The following CCDC171 variants were observed in gnomAD, a reference collection of about 807,000 sequenced individuals.
CCDC171 encodes the protein coiled-coil domain containing 171.
CCDC171 carries 177 observed loss-of-function variants against 168.2 expected under a neutral mutation model. The observed-to-expected ratio is 1.05, with a 90% CI of 0.93 to 1.19. The LOEUF is 1.19. Among genes scored for constraint, CCDC171 ranks in the 50% most tolerant of loss-of-function variants. The probability of loss-of-function intolerance (pLI) is 0.00; values close to 1 mark genes in which losing one functional copy is unlikely to be tolerated. For missense variants in CCDC171, 1,991 were observed against 1,539.0 expected, an observed-to-expected ratio of 1.29 and a Z score of -4.91; for synonymous variants, 687 against 540.8, an observed-to-expected ratio of 1.27 and a Z score of -3.75.
At chr9:15,643,358 C>G (rs543580499) in intron 7 of CCDC171, among the ~76,000 whole-genome samples, 33 of 152,262 alleles carry the variant, frequency 2.2e-4, no homozygotes, top group Admixed American at 7.2e-4. Context: ...TGGGATAATG[C>G]TCATTCTGGT....
rs552106448 is a variant in CCDC171, at chr9:15,907,615, A to G, written c.3601-12655A>G. 1.8e-3 allele frequency among the ~76,000 whole-genome samples: 274 copies of G among 152,332 alleles called. 2 individuals are homozygous for G. Among genetic ancestry groups the G allele is most frequent in the African/African-American group, 6.3e-3 (263 of 41,574 alleles). On this transcript the variant is annotated intron_variant, in intron 24 of 25. Transcript: ENST00000380701. ...AGGCATGGGCAAGGACTTCATGTCT[A>G]AAACACCAAAAGCAATGGCAACAAA...
intron 1 of CCDC171, among the ~76,000 whole-genome samples, chr9:16,048,165 C>T (rs367720691): frequency 6.0e-4 from 92 of 152,326 alleles, no homozygotes; most frequent in African/African-American, 2.1e-3. Context: ...TGTAAGAATT[C>T]GCTACTCAGT....
At position 15,816,540 on chromosome 9, in the gene CCDC171, G is replaced by A. The variant is rs1014247934; in HGVS notation, c.3268-30162G>A. Among the ~76,000 whole-genome samples the A allele has an allele frequency of 3.4e-5, 4 of 116,850 alleles. 1 individual carries two copies. The highest frequency in any genetic ancestry group is 2.7e-4 in the South Asian group (1 of 3,698). 76.7% of individuals were successfully genotyped at this position (116,850 alleles called of 152,430 possible). On this transcript the variant is annotated intron_variant, in intron 21 of 25. Coordinates refer to ENST00000380701, the MANE Select transcript of CCDC171 (RefSeq NM_173550.4). ...GCATCTATTGAAGTATAGACTATAC[G>A]TATGCAAAACTGGAAACAGAGGCAA... is the stretch of plus-strand genomic sequence containing the variant.
In CCDC171 at chr9:15,727,853, T is replaced by C; in HGVS notation, c.1693-16T>C. 2 of 1,570,166 alleles carry C rather than the reference T, an allele frequency of 1.3e-6. No individual in the cohort carries two copies. The highest frequency in any genetic ancestry group is 1.7e-6 in the Non-Finnish European group (2 of 1,155,994). ...TTTATATACAGCAATTAATTTTTCTTTTTTTTTTCCTGCAGGAGAAGCTAA... is the reference window on the plus strand; with the variant it reads ...TTTATATACAGCAATTAATTTTTCTCTTTTTTTTCCTGCAGGAGAAGCTAA... On this transcript the variant is annotated splice_polypyrimidine_tract_variant and intron_variant, in intron 14 of 25. Coordinates refer to ENST00000380701, the MANE Select transcript of CCDC171 (RefSeq NM_173550.4).
At chr9:15,865,472 C>A (rs1268721717) in intron 23 of CCDC171, among the ~76,000 whole-genome samples, 2 of 151,516 alleles carry the variant, frequency 1.3e-5, no homozygotes, top group Non-Finnish European at 2.9e-5. Flanking sequence ...GGATCTTCTT[C>A]CAACTCTGCC....
intron 3 of CCDC171, among the ~76,000 whole-genome samples, chr9:16,002,867 AC>A (rs1462935296): frequency 6.6e-6 from 1 of 152,238 alleles, no homozygotes; most frequent in Non-Finnish European, 1.5e-5. Flanking sequence ...ACAACTGCCT[AC>A]AGTATTCAGT....
At chr9:15,702,138 G>C (rs568128865) in intron 11 of CCDC171, among the ~76,000 whole-genome samples, 1 of 152,114 alleles carries the variant, frequency 6.6e-6, no homozygotes, top group East Asian at 1.9e-4. Context: ...TGTTTTGAAA[G>C]GAATCTTTTT....
chr9:15,771,897 G>C (rs2057031879), intron 18 of CCDC171, among the ~76,000 whole-genome samples: 1 of 152,108 alleles, frequency 6.6e-6, no homozygotes, highest in Admixed American at 6.6e-5. Context: ...GCTATGGCCA[G>C]TCTCAGTTCA....
At chr9:16,070,064 A>G in the CCDC171 span, among the ~76,000 whole-genome samples, 2 of 151,966 alleles carry the variant, frequency 1.3e-5, no homozygotes, top group African/African-American at 4.8e-5. Context: ...TGAAAAGGGG[A>G]GCGCTCAGGG....
At chr9:15,826,997 A>C (rs1188200534) in intron 21 of CCDC171, among the ~76,000 whole-genome samples, 2 of 152,196 alleles carry the variant, frequency 1.3e-5, no homozygotes, top group Admixed American at 6.5e-5. Context: ...AATGCTAACT[A>C]GGAGCTCTTT....
chr9:16,010,579 C>T (rs1376774431), intron 3 of CCDC171, among the ~76,000 whole-genome samples: 1 of 152,104 alleles, frequency 6.6e-6, no homozygotes, highest in Non-Finnish European at 1.5e-5. Flanking sequence ...AGAAATGGCC[C>T]ACTCAGCTCT....
At chr9:15,566,153 A>G (rs1586997347) in intron 2 of CCDC171, among the ~76,000 whole-genome samples, 1 of 149,752 alleles carries the variant, frequency 6.7e-6, no homozygotes, top group Non-Finnish European at 1.5e-5. Flanking sequence ...ATGTATCTTC[A>G]TTGGTGAAAT....
intron 25 of CCDC171, among the ~76,000 whole-genome samples, chr9:15,951,416 A>G (rs892595099): frequency 1.3e-5 from 2 of 152,158 alleles, no homozygotes; most frequent in African/African-American, 2.4e-5. Context: ...AATGTTTTCT[A>G]CACTGTTGTA....
the CCDC171 span, among the ~76,000 whole-genome samples, chr9:16,104,039 C>G: frequency 1.3e-5 from 2 of 152,112 alleles, no homozygotes; most frequent in Non-Finnish European, 2.9e-5. Flanking sequence ...GTGGCTTTGG[C>G]TTTTTTACCC....
At chr9:15,593,565 C>T (rs752883761) in intron 5 of CCDC171, among the ~76,000 whole-genome samples, 1 of 151,966 alleles carries the variant, frequency 6.6e-6, no homozygotes, top group South Asian at 2.1e-4. Flanking sequence ...TTTGGAAATA[C>T]ATTGCTCGTG....
intron 25 of CCDC171, among the ~76,000 whole-genome samples, chr9:15,938,073 C>T (rs1184133598): frequency 6.6e-6 from 1 of 151,852 alleles, no homozygotes; most frequent in Non-Finnish European, 1.5e-5. Context: ...TGAAGAGACA[C>T]TTTACACTGG....
intron 21 of CCDC171, among the ~76,000 whole-genome samples, chr9:15,791,156 G>A (rs2058239182): frequency 6.6e-6 from 1 of 152,112 alleles, no homozygotes; most frequent in East Asian, 1.9e-4. Context: ...AGCTTGATGG[G>A]GATGGCACTG....
Position 15,678,749 on chromosome 9 carries a change from AC to A in CCDC171, c.1077-8del. The A allele has an allele frequency of 6.3e-7, 1 of 1,577,098 alleles. No individual in the cohort carries two copies. Among genetic ancestry groups the A allele is most frequent in the Non-Finnish European group, 8.6e-7 (1 of 1,169,444 alleles). ...TTGAAAAACCTGCTCTGACACTTTA[AC>A]TTTTCAGATTAGAAAAAGAGTATTT... is the stretch of plus-strand genomic sequence containing the variant. On this transcript the variant is annotated splice_polypyrimidine_tract_variant and splice_region_variant and intron_variant, in intron 9 of 25. Transcript: ENST00000380701.
intron 6 of CCDC171, among the ~76,000 whole-genome samples, chr9:16,025,585 A>C (rs1440155610): frequency 6.6e-6 from 1 of 152,254 alleles, no homozygotes; most frequent in African/African-American, 2.4e-5. Flanking sequence ...TACTTTAGCC[A>C]TACAGTGGAA....
Sources: gnomAD v4.1 joint callset for allele counts (sites outside exome capture counted in the v4.1 genomes callset) on GRCh38, gnomAD v4.1.1 for gene constraint, MANE v1.5 for transcripts, NCBI Gene and HGNC (gene_info 2026-07-23, HGNC 2026-07-21) for gene names.